FAM107B: variants seen among roughly 807,000 people sequenced by gnomAD.
FAM107B encodes the protein protein FAM107B.
In FAM107B, 21 loss-of-function variants were observed where a neutral mutation model predicts 31.5. That is an observed-to-expected ratio of 0.67 (90% confidence interval 0.47 to 0.96). FAM107B has a LOEUF of 0.96. Among genes scored for constraint, FAM107B ranks in the 40% least tolerant of loss-of-function variants. The probability of loss-of-function intolerance (pLI) is 0.00; values close to 1 mark genes in which losing one functional copy is unlikely to be tolerated. For synonymous variants in FAM107B, 157 were observed against 141.5 expected, an observed-to-expected ratio of 1.11 and a Z score of -0.78; for missense variants, 452 against 377.1, an observed-to-expected ratio of 1.20 and a Z score of -1.64.
intron 3 of FAM107B, among the ~76,000 whole-genome samples, chr10:14,529,239 A>G (rs1846670703): frequency 6.6e-6 from 1 of 152,236 alleles, no homozygotes; most frequent in Non-Finnish European, 1.5e-5. Context: ...ATTGTGTGAC[A>G]AAGGCAGATG....
chr10:14,760,247 C>T (rs964211706), intron 1 of FAM107B, among the ~76,000 whole-genome samples: 1 of 152,148 alleles, frequency 6.6e-6, no homozygotes, highest in African/African-American at 2.4e-5. Context: ...TTTGGCTGTC[C>T]TCTTCACCCA....
chr10:14,716,624 G>C (rs773965168), intron 1 of FAM107B, among the ~76,000 whole-genome samples: 7 of 152,196 alleles, frequency 4.6e-5, no homozygotes, highest in Non-Finnish European at 8.8e-5. Flanking sequence ...TGGCCACCAT[G>C]GTGCCAAGGA....
At position 14,576,553 on chromosome 10, in the gene FAM107B, A is replaced by AACAACAACAAC. The variant is rs1564582586; in HGVS notation, c.470-46039_470-46038insGTTGTTGTTGT. The stretch of plus-strand genomic sequence containing the variant: ...AAAACAACAACAACAACAACAACAA[A>AACAACAACAAC]AAGCCACTGAGTTAGAAAGCAGTGA... On this transcript the variant is annotated intron_variant, in intron 2 of 4. Transcript: ENST00000181796. Among the ~76,000 whole-genome samples the AACAACAACAAC allele has an allele frequency of 2.6e-3, 275 of 105,878 alleles. 2 individuals are homozygous for AACAACAACAAC. Among genetic ancestry groups the AACAACAACAAC allele is most frequent in the African/African-American group, 8.0e-3 (253 of 31,580 alleles). The allele number at this position is 105,878 out of a possible 152,430, so 69.5% of individuals were successfully genotyped here. A position where few individuals can be genotyped will look rare whatever the true frequency, so the allele number is the denominator to read the frequency against.
At chr10:14,545,814 A>G (rs1848640817) in intron 2 of FAM107B, among the ~76,000 whole-genome samples, 1 of 152,264 alleles carries the variant, frequency 6.6e-6, no homozygotes, top group Non-Finnish European at 1.5e-5. Context: ...CTGAATAAAG[A>G]GACCTCCCTT....
chr10:14,737,835 T>C (rs1243789109), intron 1 of FAM107B, among the ~76,000 whole-genome samples: 1 of 149,584 alleles, frequency 6.7e-6, no homozygotes, highest in Non-Finnish European at 1.5e-5. Flanking sequence ...CCACAAGCAC[T>C]GTGCCTCAGT....
At chr10:14,661,162 G>A (rs1854228567) in intron 2 of FAM107B, among the ~76,000 whole-genome samples, 1 of 152,206 alleles carries the variant, frequency 6.6e-6, no homozygotes, top group Non-Finnish European at 1.5e-5. Context: ...CTGCAGAACT[G>A]TGTTCCAATT....
intron 1 of FAM107B, among the ~76,000 whole-genome samples, chr10:14,750,044 C>G (rs1376102404): frequency 6.6e-6 from 1 of 152,194 alleles, no homozygotes; most frequent in African/African-American, 2.4e-5. Context: ...TGGAAGCGAA[C>G]AGCTCCAGCG....
chr10:14,757,519 C>T (rs1367213709), intron 1 of FAM107B, among the ~76,000 whole-genome samples: 1 of 152,128 alleles, frequency 6.6e-6, no homozygotes, highest in Admixed American at 6.6e-5. Context: ...GGCTAACAAA[C>T]TATTCAGTGA....
chr10:14,736,181 C>T (rs1345231894), intron 1 of FAM107B, among the ~76,000 whole-genome samples: 1 of 152,096 alleles, frequency 6.6e-6, no homozygotes, highest in African/African-American at 2.4e-5. Context: ...ACTGGACAAG[C>T]TGAAAGGGAA....
intron 2 of FAM107B, among the ~76,000 whole-genome samples, chr10:14,642,133 C>T (rs2131433556): frequency 6.6e-6 from 1 of 152,300 alleles, no homozygotes; most frequent in South Asian, 2.1e-4. Flanking sequence ...AGTGACAGAC[C>T]CCAAGCAAGT....
intron 1 of FAM107B, among the ~76,000 whole-genome samples, chr10:14,711,306 A>G (rs1164380649): frequency 1.3e-5 from 2 of 152,206 alleles, no homozygotes. Flanking sequence ...AGATTCACTC[A>G]CCACTCACTG....
intron 2 of FAM107B, among the ~76,000 whole-genome samples, chr10:14,536,012 T>C (rs1847570018): frequency 6.6e-6 from 1 of 152,198 alleles, no homozygotes; most frequent in Non-Finnish European, 1.5e-5. Context: ...TGAATTACCA[T>C]TCCCTCGGAA....
intron 2 of FAM107B, among the ~76,000 whole-genome samples, chr10:14,569,922 G>A (rs908200599): frequency 1.3e-5 from 2 of 152,316 alleles, no homozygotes; most frequent in African/African-American, 2.4e-5. Context: ...CGAGCCCAGA[G>A]GTTCCCGGAA....
chr10:14,577,841 C>T (rs1007884190), intron 2 of FAM107B, among the ~76,000 whole-genome samples: 9 of 152,154 alleles, frequency 5.9e-5, no homozygotes, highest in Admixed American at 6.5e-5. Flanking sequence ...ATACTGAAGT[C>T]GTTTCTCTTT....
intron 1 of FAM107B, among the ~76,000 whole-genome samples, chr10:14,762,754 TCACA>T (rs35574582): frequency 0.1 from 11,679 of 115,968 alleles, 516 homozygotes; most frequent in Non-Finnish European, 0.11. Flanking sequence ...AAACTCTGTC[TCACA>T]CACACACACA....
chr10:14,710,861 A>G (rs1855629580), intron 1 of FAM107B, among the ~76,000 whole-genome samples: 1 of 152,200 alleles, frequency 6.6e-6, no homozygotes. Flanking sequence ...TGAAAAAGTA[A>G]AAGGTTTATA....
intron 2 of FAM107B, among the ~76,000 whole-genome samples, chr10:14,554,843 A>T (rs1182591535): frequency 6.6e-6 from 1 of 152,264 alleles, no homozygotes; most frequent in Non-Finnish European, 1.5e-5. Context: ...TGAAGTTCAC[A>T]GAAGTATATC....
intron 1 of FAM107B, among the ~76,000 whole-genome samples, chr10:14,735,282 T>A (rs2131564752): frequency 6.9e-6 from 1 of 145,914 alleles, no homozygotes; most frequent in African/African-American, 2.4e-5. Context: ...CATTATGAGA[T>A]TTTTTGCAAT....
At chr10:14,629,792 G>A (rs978710138) in intron 2 of FAM107B, among the ~76,000 whole-genome samples, 31 of 150,804 alleles carry the variant, frequency 2.1e-4, no homozygotes, top group Admixed American at 2.7e-4. Flanking sequence ...GGATTACAGC[G>A]TGAGCCACCA....
Sources: gnomAD v4.1 joint callset for allele counts (sites outside exome capture counted in the v4.1 genomes callset) on GRCh38, gnomAD v4.1.1 for gene constraint, MANE v1.5 for transcripts, NCBI Gene and HGNC (gene_info 2026-07-23, HGNC 2026-07-21) for gene names.